The following POM121 variants were observed in gnomAD, a reference collection of about 807,000 sequenced individuals.
POM121 encodes the protein POM121 transmembrane nucleoporin, also known as nuclear envelope pore membrane protein POM 121.
POM121 carries 32 observed loss-of-function variants against 81.3 expected under a neutral mutation model. That is an observed-to-expected ratio of 0.39 (90% CI 0.30 to 0.53). The LOEUF (loss-of-function observed/expected upper bound fraction) is 0.53. Among genes scored for constraint, POM121 ranks in the 20% least tolerant of loss-of-function variants. POM121 has a pLI of 0.66. For missense variants in POM121, 1,138 were observed against 1,614.6 expected (o/e 0.70, Z 5.06); for synonymous variants, 514 against 694.2 (o/e 0.74, Z 4.08).
chr7:72,901,006 G>A (rs1455053111), intron 3 of POM121, among the ~76,000 whole-genome samples: 1 of 149,072 alleles, frequency 6.7e-6, no homozygotes, highest in African/African-American at 2.5e-5. Context: ...TTTTTTAAGA[G>A]ATGGCATCTC....
intron 3 of POM121, among the ~76,000 whole-genome samples, chr7:72,903,234 A>T (rs1205023205): frequency 6.6e-6 from 1 of 152,192 alleles, no homozygotes; most frequent in South Asian, 2.1e-4. Context: ...TCTGGAGTTC[A>T]AGACCAGTCT....
chr7:72,907,331 T>G (rs1554493578), intron 3 of POM121, among the ~76,000 whole-genome samples: 3 of 152,182 alleles, frequency 2.0e-5, no homozygotes, highest in South Asian at 4.1e-4. Context: ...CACCTCTACA[T>G]ATGTTGAGAA....
chr7:72,894,640 AG>A (rs1791709449), intron 3 of POM121, among the ~76,000 whole-genome samples: 8 of 115,006 alleles, frequency 7.0e-5, no homozygotes, highest in Non-Finnish European at 8.7e-5. Context: ...AGAGAGAGAG[AG>A]AGAGAGAGAG....
chr7:72,948,431 G>T (rs1586201853), downstream of POM121: 2 of 1,613,378 alleles, frequency 1.2e-6, no homozygotes, highest in African/African-American at 2.7e-5. Flanking sequence ...GTCTTCCACG[G>T]AGAGGACAGG....
intron 3 of POM121, among the ~76,000 whole-genome samples, chr7:72,910,748 C>T (rs774722479): frequency 1.1e-4 from 17 of 151,848 alleles, no homozygotes; most frequent in African/African-American, 1.7e-4. Context: ...CCCGCAGGGC[C>T]GCCCTCTTCG....
downstream of POM121, chr7:72,949,015 G>C: frequency 1.9e-6 from 3 of 1,612,196 alleles, no homozygotes; most frequent in East Asian, 2.2e-5. Context: ...GTGGCACAGG[G>C]CTCGCTGCTG....
At chr7:72,901,883 C>T (rs1363479685) in intron 3 of POM121, among the ~76,000 whole-genome samples, 12 of 151,894 alleles carry the variant, frequency 7.9e-5, no homozygotes, top group South Asian at 2.1e-4. Context: ...GAGGCCGAGG[C>T]GAGCAGATCA....
intron 3 of POM121, among the ~76,000 whole-genome samples, chr7:72,911,670 C>CT (rs1482969620): frequency 6.6e-6 from 1 of 152,170 alleles, no homozygotes; most frequent in Non-Finnish European, 1.5e-5. Context: ...TCGCCTCAGC[C>CT]TTTTCACTCC....
intron 1 of POM121, among the ~76,000 whole-genome samples, chr7:72,884,548 ATAATATATATT>A (rs1790509602): frequency 2.6e-5 from 1 of 38,250 alleles, no homozygotes; most frequent in Non-Finnish European, 5.2e-5. Flanking sequence ...ATATATACAT[ATAATATATATT>A]TGATAGCAAA....
intron 3 of POM121, among the ~76,000 whole-genome samples, chr7:72,898,722 TG>T (rs781836566): frequency 7.1e-6 from 1 of 140,750 alleles, no homozygotes; most frequent in African/African-American, 2.7e-5. Context: ...CACTTGAACC[TG>T]GGAGGTAGAG....
In POM121 at chr7:72,946,014, G is replaced by A. The variant is rs1482728861; in HGVS notation, c.3653-123G>A. ...TCCCGTACAGTGTTTCTGATGCAGC[G>A]GGGAAAGCCCTATTGAGGCACCCTG... On this transcript the variant is annotated intron_variant, in intron 12 of 12. Transcript: ENST00000434423. 1.2e-5 allele frequency: 17 copies of A among 1,457,108 alleles called. No homozygotes were observed. The East Asian group carries it at 1.7e-4, about 15-fold the overall frequency. 90.3% of individuals were successfully genotyped at this position (1,457,108 alleles called of 1,614,324 possible). A position where few individuals can be genotyped will look rare whatever the true frequency, so the allele number is the denominator to read the frequency against.
chr7:72,948,550 G>C (rs782325610), downstream of POM121: 6 of 1,613,554 alleles, frequency 3.7e-6, no homozygotes, highest in Admixed American at 8.3e-5. Flanking sequence ...CTTTGGGGCT[G>C]GGCTGGGTGT....
At chr7:72,949,801 A>C, downstream of POM121, 1 of 1,168,232 alleles carries the variant, frequency 8.6e-7, no homozygotes, top group South Asian at 1.2e-5. Context: ...ACTGAAAGGC[A>C]CAAAATCAAA....
intron 5 of POM121, among the ~76,000 whole-genome samples, chr7:72,937,648 GAAAT>G (rs1331782945): frequency 2.0e-5 from 3 of 152,202 alleles, no homozygotes; most frequent in African/African-American, 7.2e-5. Flanking sequence ...TACTGGGTAA[GAAAT>G]CACTAGCAGC....
intron 3 of POM121, among the ~76,000 whole-genome samples, chr7:72,900,322 C>T (rs1206808998): frequency 3.3e-5 from 5 of 150,548 alleles, no homozygotes; most frequent in African/African-American, 1.2e-4. Flanking sequence ...TGCTAATAGC[C>T]TCCCTTTTAT....
chr7:72,918,324 T>G (rs1369731231), intron 4 of POM121, among the ~76,000 whole-genome samples: 1 of 152,208 alleles, frequency 6.6e-6, no homozygotes, highest in Non-Finnish European at 1.5e-5. Context: ...GACCACGGTC[T>G]GCCTGGCAAC....
In POM121 at chr7:72,925,362, T is replaced by C. The variant is rs1472804403; in HGVS notation, c.241T>C (p.Ser81Pro). Reference sequence around the variant, plus strand: ...GCCCCGAGGTTCGCGCCCCTTGTCCTCCTTCGTTCGGAAGGCGCGTCATCG... The same window carrying C: ...GCCCCGAGGTTCGCGCCCCTTGTCCCCCTTCGTTCGGAAGGCGCGTCATCG... ...REPRGSRPLSSFVRKARHRRP... is the reference protein window; with the variant it reads ...REPRGSRPLSPFVRKARHRRP... The change falls in exon 1 of 13, where the codon TCC becomes CCC. Residue 81 changes from serine to proline, a missense_variant. Physicochemically the swap from Ser to Pro is moderately conservative, Grantham distance 74 (BLOSUM62 -1). Coordinates refer to ENST00000434423, the MANE Select transcript of POM121 (RefSeq NM_001387691.1). 6.6e-7 allele frequency: 1 copy of C among 1,522,936 alleles called. No individual in the cohort carries two copies. The highest frequency in any genetic ancestry group is 8.8e-7 in the Non-Finnish European group (1 of 1,137,094). 94.3% of individuals were successfully genotyped at this position (1,522,936 alleles called of 1,614,324 possible).
chr7:72,929,846 C>G (rs1280209897), intron 4 of POM121, 94 bp from the exon 5 acceptor site: 2 of 1,438,378 alleles, frequency 1.4e-6, no homozygotes, highest in Non-Finnish European at 1.8e-6. Context: ...ATTCTCTTCC[C>G]TTCATGTTAT....
At chr7:72,934,682 T>C (rs560681208) in intron 5 of POM121, among the ~76,000 whole-genome samples, 2 of 152,314 alleles carry the variant, frequency 1.3e-5, no homozygotes, top group South Asian at 4.1e-4. Flanking sequence ...GGAATCAAAA[T>C]TAGTTTTTTT....
Sources: allele counts gnomAD v4.1 joint callset (sites outside exome capture counted in the v4.1 genomes callset), GRCh38; gene constraint gnomAD v4.1.1; transcripts MANE v1.5; gene names NCBI Gene and HGNC (gene_info 2026-07-23, HGNC 2026-07-21).